FAM13C: variants seen among roughly 807,000 people sequenced by gnomAD.
FAM13C encodes the protein family with sequence similarity 13 member C.
FAM13C carries 37 observed loss-of-function variants against 73.2 expected under a neutral mutation model. The observed-to-expected ratio is 0.51, with a 90% CI of 0.39 to 0.67. FAM13C has a LOEUF of 0.67. Among genes scored for constraint, FAM13C ranks in the 30% least tolerant of loss-of-function variants. FAM13C has a pLI of 0.00. For synonymous variants in FAM13C, 246 were observed against 260.9 expected (o/e 0.94, Z 0.55); for missense variants, 589 against 715.6 (o/e 0.82, Z 2.02).
intron 6 of FAM13C, among the ~76,000 whole-genome samples, chr10:59,271,387 G>A (rs1471372140): frequency 2.0e-5 from 3 of 152,208 alleles, no homozygotes; most frequent in Admixed American, 6.5e-5. Flanking sequence ...GTCCTCCTGT[G>A]TTTTCAGCTG....
intron 2 of FAM13C, among the ~76,000 whole-genome samples, chr10:59,354,862 C>T (rs1178185616): frequency 6.6e-6 from 1 of 152,020 alleles, no homozygotes; most frequent in Non-Finnish European, 1.5e-5. Flanking sequence ...CCACCAGGTT[C>T]CCAGGGTTCC....
At chr10:59,310,232 C>T (rs1323637937) in intron 4 of FAM13C, among the ~76,000 whole-genome samples, 1 of 152,170 alleles carries the variant, frequency 6.6e-6, no homozygotes, top group Non-Finnish European at 1.5e-5. Context: ...GAAGGCAATA[C>T]TTGGGATACA....
intron 4 of FAM13C, among the ~76,000 whole-genome samples, chr10:59,312,289 G>T (rs1320992577): frequency 6.6e-6 from 1 of 152,078 alleles, no homozygotes; most frequent in African/African-American, 2.4e-5. Context: ...AAGGCACAGG[G>T]GATTTGAGTA....
chr10:59,289,801 G>A (rs563380479), intron 5 of FAM13C, among the ~76,000 whole-genome samples: 2 of 152,158 alleles, frequency 1.3e-5, no homozygotes, highest in Admixed American at 1.3e-4. Context: ...CTTCATTCCA[G>A]GTCCTAGTAA....
rs1237898661 is a variant in FAM13C at position 59,360,484 on chromosome 10, C to T, written c.62+1915G>A. 2.6e-5 allele frequency among the ~76,000 whole-genome samples: 4 copies of T among 152,084 alleles called. No homozygotes were observed. In the East Asian group the frequency reaches 7.7e-4, roughly 29 times the overall value. On this transcript the variant is annotated intron_variant, in intron 1 of 13. Coordinates refer to ENST00000618804, the MANE Select transcript of FAM13C (RefSeq NM_198215.4). The stretch of plus-strand genomic sequence containing the variant: ...ACCACACCCAAACATTTCCTGAGAA[C>T]CTGCTATGTCTGTGTCTCAGGATAT...
At chr10:59,330,301 C>G (rs2134091644) in intron 3 of FAM13C, among the ~76,000 whole-genome samples, 1 of 152,326 alleles carries the variant, frequency 6.6e-6, no homozygotes, top group South Asian at 2.1e-4. Context: ...ACCCAGAGTT[C>G]TTTCCATTAT....
chr10:59,292,435 C>G (rs550129387), intron 5 of FAM13C, among the ~76,000 whole-genome samples: 13 of 152,358 alleles, frequency 8.5e-5, no homozygotes, highest in African/African-American at 3.1e-4. Context: ...CAGGAGATGG[C>G]CCACTGGGCC....
rs1841527263 is a variant in FAM13C at position 59,252,862 on chromosome 10, G to C, written c.1469C>G (p.Pro490Arg). 6.2e-7 allele frequency: 1 copy of C among 1,614,058 alleles called. No homozygotes were observed. Among genetic ancestry groups the C allele is most frequent in the Non-Finnish European group, 8.5e-7 (1 of 1,179,994 alleles). The part of the protein sequence containing the change: ...NETEPVRALL[P>R]DEKKEVKPPA... ...TGGTTTTACTTCTTTCTTTTCATCT[G>C]GTAAAAGGGCCCTAACAGGCTCAGT... is the stretch of plus-strand genomic sequence containing the variant. Residue 490 changes from proline (P) to arginine (R), a missense_variant, in exon 12 of 14, where the codon CCA becomes CGA. Pro to Arg is a moderately radical substitution (Grantham distance 103, BLOSUM62 -2). Coordinates refer to ENST00000618804, the MANE Select transcript of FAM13C (RefSeq NM_198215.4).
chr10:59,333,124 C>T (rs1292962450), intron 3 of FAM13C, among the ~76,000 whole-genome samples: 5 of 152,060 alleles, frequency 3.3e-5, no homozygotes, highest in African/African-American at 1.2e-4. Flanking sequence ...TACAGGCATA[C>T]GTTACCATGC....
At chr10:59,301,268 G>T (rs1847570615) in intron 5 of FAM13C, 2 of 152,168 alleles carry the variant, frequency 1.3e-5, no homozygotes, top group South Asian at 4.1e-4. Flanking sequence ...AAAAAACACT[G>T]TCAGCACATA....
In FAM13C at chr10:59,323,750, C is replaced by T. The variant is rs897512709; in HGVS notation, c.443+238G>A. ...CAAGGGCAGGACCTGTCTCCACTTC[C>T]CCCTGAGCCTTAAGGTAGATTATTT... On this transcript the variant is annotated intron_variant, in intron 4 of 13. Coordinates refer to ENST00000618804, the MANE Select transcript of FAM13C (RefSeq NM_198215.4). 5.3e-5 allele frequency among the ~76,000 whole-genome samples: 8 copies of T among 152,134 alleles called. No homozygotes were observed. In the South Asian group the frequency reaches 8.3e-4, roughly 16 times the overall value.
chr10:59,347,433 C>A (rs749229103), intron 3 of FAM13C, among the ~76,000 whole-genome samples: 1 of 152,058 alleles, frequency 6.6e-6, no homozygotes, highest in Non-Finnish European at 1.5e-5. Flanking sequence ...CTGACTTTGG[C>A]GATCAGAATA....
intron 5 of FAM13C, among the ~76,000 whole-genome samples, chr10:59,299,713 C>T (rs1589513706): frequency 6.6e-6 from 1 of 151,692 alleles, no homozygotes; most frequent in African/African-American, 2.4e-5. Flanking sequence ...TGACTAAGAC[C>T]AAGGATTAAG....
At position 59,247,659 on chromosome 10, in the gene FAM13C, T is replaced by G. The variant is rs201658189; in HGVS notation, c.1713A>C (p.Leu571=). The G allele has an allele frequency of 1.7e-5, 28 of 1,613,472 alleles. No homozygotes were observed. The highest frequency in any genetic ancestry group is 2.1e-5 in the Non-Finnish European group (25 of 1,179,694). Residue 571 remains leucine, a synonymous_variant, in exon 14 of 14, where the codon CTA becomes CTC. Coordinates refer to ENST00000618804, the MANE Select transcript of FAM13C (RefSeq NM_198215.4). Reference sequence around the variant, plus strand: ...CTTGCTTGCTGATGAGGACCTCTAATAGTCTCAGTTTGGCTTTTATGTGCT... The same window carrying G: ...CTTGCTTGCTGATGAGGACCTCTAAGAGTCTCAGTTTGGCTTTTATGTGCT... ...EYKHIKAKLR[L]LEVLISKQDV... is the part of the protein sequence containing the mutation.
At chr10:59,360,317 C>T (rs1459999) in intron 1 of FAM13C, among the ~76,000 whole-genome samples, 1 of 152,146 alleles carries the variant, frequency 6.6e-6, no homozygotes, top group African/African-American at 2.4e-5. Context: ...GAAATCATCT[C>T]TAGGTGAAAT....
In FAM13C at chr10:59,353,553, G is replaced by A. The variant is rs1855342870; in HGVS notation, c.120-1079C>T. Reference sequence around the variant, plus strand: ...TGGAAAGCAATTCCTAGCTGCTCAAGGACACCTAAAGCCAAGAAGCAAGAC... The same window carrying A: ...TGGAAAGCAATTCCTAGCTGCTCAAAGACACCTAAAGCCAAGAAGCAAGAC... On this transcript the variant is annotated intron_variant, in intron 2 of 13. Coordinates refer to ENST00000618804, the MANE Select transcript of FAM13C (RefSeq NM_198215.4). Among the ~76,000 whole-genome samples, 3 of 152,094 alleles carry A rather than the reference G, an allele frequency of 2.0e-5. No homozygotes were observed. The South Asian group carries it at 6.2e-4, about 31-fold the overall frequency.
At chr10:59,333,822 G>A (rs905561793) in intron 3 of FAM13C, among the ~76,000 whole-genome samples, 3 of 152,170 alleles carry the variant, frequency 2.0e-5, no homozygotes, top group African/African-American at 7.2e-5. Context: ...TAAAGCTGCT[G>A]CACTAATGCC....
intron 3 of FAM13C, among the ~76,000 whole-genome samples, chr10:59,328,317 G>T (rs1313943081): frequency 6.6e-6 from 1 of 152,154 alleles, no homozygotes; most frequent in Non-Finnish European, 1.5e-5. Context: ...GGAAAAATTA[G>T]CTGCCCCTAA....
intron 4 of FAM13C, among the ~76,000 whole-genome samples, chr10:59,314,386 C>T (rs1337092268): frequency 6.6e-6 from 1 of 152,096 alleles, no homozygotes; most frequent in Non-Finnish European, 1.5e-5. Context: ...TTTTCATTTC[C>T]ATCACACATC....
Sources: gnomAD v4.1 joint callset for allele counts (sites outside exome capture counted in the v4.1 genomes callset) on GRCh38, gnomAD v4.1.1 for gene constraint, MANE v1.5 for transcripts, NCBI Gene and HGNC (gene_info 2026-07-23, HGNC 2026-07-21) for gene names.